Variants in GINS4 observed in about 807,000 individuals in gnomAD.
The protein encoded by GINS4 is GINS complex subunit 4.
A neutral mutation model predicts 31.1 loss-of-function variants in GINS4; 20 were observed. The ratio of observed to expected loss-of-function variants is 0.64; its 90% confidence interval spans 0.45 to 0.93. The LOEUF (loss-of-function observed/expected upper bound fraction) is 0.93, where lower values mean the gene tolerates loss of function less well. Ranked by LOEUF, GINS4 falls within the 40% of genes least tolerant of loss-of-function variation. GINS4 has a pLI of 0.00. For missense variants in GINS4, 245 were observed against 273.9 expected (o/e 0.89, Z 0.75); for synonymous variants, 85 against 97.9 (o/e 0.87, Z 0.78).
chr8:41,531,329 T>G (rs1209505902), intron 2 of GINS4, among the ~76,000 whole-genome samples: 6 of 152,166 alleles, frequency 3.9e-5, no homozygotes, highest in African/African-American at 1.4e-4. Context: ...GTCCTGGAGT[T>G]TTTGATTAAA....
chr8:41,537,324 G>C (rs761271751), intron 4 of GINS4, 31 bp downstream of exon 4: 3 of 1,461,842 alleles, frequency 2.1e-6, no homozygotes, highest in Non-Finnish European at 2.9e-6. Context: ...GAGGGATTGA[G>C]ACAGCACAGT....
rs147814759 is a variant in GINS4, at chr8:41,530,208, C to T, written c.6C>T (p.Thr2=). The T allele has an allele frequency of 6.2e-6, 10 of 1,612,372 alleles. No homozygotes were observed. The highest frequency in any genetic ancestry group is 2.2e-5 in the South Asian group (2 of 91,018). Residue 2 remains threonine, a synonymous_variant, in exon 2 of 8, where the codon ACC becomes ACT. Coordinates refer to ENST00000276533, the MANE Select transcript of GINS4 (RefSeq NM_032336.3). M[T]EEVDFLGQDS... Reference sequence around the variant, plus strand: ...GGTTCCTGGTTTCAGAGAAGATGACCGAAGAAGTGGATTTCCTGGGACAGG... The same window carrying T: ...GGTTCCTGGTTTCAGAGAAGATGACTGAAGAAGTGGATTTCCTGGGACAGG...
intron 6 of GINS4, among the ~76,000 whole-genome samples, chr8:41,540,756 C>T (rs1204645277): frequency 6.6e-6 from 1 of 152,212 alleles, no homozygotes; most frequent in Non-Finnish European, 1.5e-5. Context: ...CCAGTACACC[C>T]GAGCCCTGGA....
chr8:41,539,897 T>A lies in GINS4; in HGVS notation c.396-19T>A. The A allele has an allele frequency of 3.7e-6, 6 of 1,612,550 alleles. No homozygotes were observed. The highest frequency in any genetic ancestry group is 5.1e-6 in the Non-Finnish European group (6 of 1,178,574). On this transcript the variant is annotated intron_variant, in intron 5 of 7. Coordinates refer to ENST00000276533, the MANE Select transcript of GINS4 (RefSeq NM_032336.3). ...CATCAGCTGTGTACACCACAGCGAT[T>A]TGAATCCATGTCTTTCAGGTTCATG...
Position 41,542,277 on chromosome 8 carries a change from AG to A in GINS4, c.*192del. ...TGTGCACCTGTAATCCCAGCTACTC[AG>A]GAGGCCGGGGCAGGAGAATCGCTTG... On this transcript the variant is annotated 3_prime_UTR_variant, in exon 8 of 8. Coordinates refer to ENST00000276533, the MANE Select transcript of GINS4 (RefSeq NM_032336.3). 1.7e-6 allele frequency: 1 copy of A among 583,550 alleles called. No individual in the cohort carries two copies. The highest frequency in any genetic ancestry group is 1.9e-5 in the South Asian group (1 of 53,108). The allele number at this position is 583,550 out of a possible 1,614,324, so 36.1% of individuals were successfully genotyped here. A position where few individuals can be genotyped will look rare whatever the true frequency, so the allele number is the denominator to read the frequency against.
chr8:41,535,399 A>G (rs1370535525), intron 2 of GINS4, among the ~76,000 whole-genome samples: 16 of 152,164 alleles, frequency 1.1e-4, no homozygotes. Flanking sequence ...TGCTGCTCCT[A>G]ATAAGCCCTC....
At chr8:41,533,629 C>T (rs901616708) in intron 2 of GINS4, among the ~76,000 whole-genome samples, 1 of 152,182 alleles carries the variant, frequency 6.6e-6, no homozygotes, top group African/African-American at 2.4e-5. Flanking sequence ...AGAACAGCTC[C>T]AGGAGCATAT....
At chr8:41,534,491 TATACTA>T (rs1489103941) in intron 2 of GINS4, 2 of 181,798 alleles carry the variant, frequency 1.1e-5, no homozygotes, top group Non-Finnish European at 2.4e-5. Context: ...ATGAAAGTTT[TATACTA>T]ATATAAACTT....
Position 41,542,183 on chromosome 8 carries a change from A to G in GINS4, c.*96A>G. The stretch of plus-strand genomic sequence containing the variant: ...CGGATCATGAGGTCAGGAGTTCGAG[A>G]CCAACCGACCAACATGGTGAAACCC... On this transcript the variant is annotated 3_prime_UTR_variant, in exon 8 of 8. Transcript: ENST00000276533. The G allele has an allele frequency of 1.2e-6, 1 of 819,392 alleles. No homozygotes were observed. Among genetic ancestry groups the G allele is most frequent in the Non-Finnish European group, 2.1e-6 (1 of 468,214 alleles). 50.8% of individuals were successfully genotyped at this position (819,392 alleles called of 1,614,324 possible).
intron 6 of GINS4, among the ~76,000 whole-genome samples, chr8:41,541,236 T>G (rs1022371536): frequency 6.6e-6 from 1 of 152,024 alleles, no homozygotes; most frequent in African/African-American, 2.4e-5. Flanking sequence ...TGCTTGGCTA[T>G]TATTTTTAAA....
At position 41,542,393 on chromosome 8, in the gene GINS4, CAAAA is replaced by C. The variant is rs1312581490; in HGVS notation, c.*309_*312del. On this transcript the variant is annotated 3_prime_UTR_variant, in exon 8 of 8. Coordinates refer to ENST00000276533, the MANE Select transcript of GINS4 (RefSeq NM_032336.3). ...TGAGACTTTGTCTCAAAAAAAAAAA[CAAAA>C]AACAAAAAAAAAACAAACTAGGCAT... 7.8e-5 allele frequency: 25 copies of C among 322,074 alleles called. No individual in the cohort carries two copies. In the East Asian group the frequency reaches 1.2e-3, roughly 16 times the overall value. The allele number at this position is 322,074 out of a possible 1,614,324, so 20.0% of individuals were successfully genotyped here.
In GINS4 at chr8:41,536,347, AT is replaced by A; in HGVS notation, c.97-10del. 6.4e-7 allele frequency: 1 copy of A among 1,568,166 alleles called. No homozygotes were observed. The highest frequency in any genetic ancestry group is 8.8e-7 in the Non-Finnish European group (1 of 1,138,288). ...GTGGGTGATGCTTGCTTTTTCTGGC[AT>A]TTGTCTTTTAGGCCTGGATGAATGA... On this transcript the variant is annotated splice_polypyrimidine_tract_variant and intron_variant, in intron 2 of 7. Transcript: ENST00000276533.
intron 2 of GINS4, chr8:41,534,189 G>A (rs1806701295): frequency 2.9e-6 from 1 of 342,824 alleles, no homozygotes; most frequent in Non-Finnish European, 5.9e-6. Context: ...GATGTCATGA[G>A]GCCAGGATTT....
At chr8:41,530,337 C>CT (rs934688660) in intron 2 of GINS4, 39 bp downstream of exon 2, 24 of 1,447,424 alleles carry the variant, frequency 1.7e-5, no homozygotes, top group African/African-American at 2.8e-5. Flanking sequence ...TCCAGTCAGC[C>CT]TTTTTATTTA....
At chr8:41,537,317 G>T in intron 4 of GINS4, 24 bp downstream of exon 4, 8 of 1,497,258 alleles carry the variant, frequency 5.3e-6, no homozygotes, top group Non-Finnish European at 7.4e-6. Context: ...ATACCTGGAG[G>T]GATTGAGACA....
chr8:41,540,140 C>A, intron 6 of GINS4, 136 bp downstream of exon 6: 1 of 675,866 alleles, frequency 1.5e-6, no homozygotes, highest in African/African-American at 1.8e-5. Flanking sequence ...AGGATTCTAG[C>A]TAAAAACCAA....
At chr8:41,537,463 C>A (rs1460852259) in intron 4 of GINS4, 170 bp downstream of exon 4, 2 of 567,174 alleles carry the variant, frequency 3.5e-6, no homozygotes, top group Non-Finnish European at 6.3e-6. Context: ...GATTGCTCCA[C>A]AGAAGCACAG....
At chr8:41,531,995 T>C (rs1157548749) in intron 2 of GINS4, among the ~76,000 whole-genome samples, 1 of 152,148 alleles carries the variant, frequency 6.6e-6, no homozygotes, top group Non-Finnish European at 1.5e-5. Flanking sequence ...TTTCACCATA[T>C]TGGGTTTCGC....
rs140953112 is a variant in GINS4, at chr8:41,530,447, G to A, written c.96+149G>A. 3.7e-3 allele frequency: 2,275 copies of A among 616,316 alleles called. 21 individuals are homozygous for A. The highest frequency in any genetic ancestry group is 0.023 in the African/African-American group (1,218 of 53,978). 38.2% of individuals were successfully genotyped at this position (616,316 alleles called of 1,614,324 possible). A position where few individuals can be genotyped will look rare whatever the true frequency, so the allele number is the denominator to read the frequency against. The stretch of plus-strand genomic sequence containing the variant: ...CTTACCATCTACATGGAAACGGGAA[G>A]CAAGAAGGACATCCTCTGTTAGAGA... On this transcript the variant is annotated intron_variant, in intron 2 of 7. Transcript: ENST00000276533.
Sources: allele counts gnomAD v4.1 joint callset (sites outside exome capture counted in the v4.1 genomes callset), GRCh38; gene constraint gnomAD v4.1.1; transcripts MANE v1.5; gene names NCBI Gene and HGNC (gene_info 2026-07-23, HGNC 2026-07-21).